ADGRL3: variants seen among roughly 807,000 people sequenced by gnomAD.
ADGRL3 encodes the protein adhesion G protein-coupled receptor L3.
In ADGRL3, 62 loss-of-function variants were observed where a neutral mutation model predicts 153.5. The ratio of observed to expected loss-of-function variants is 0.40; its 90% CI spans 0.33 to 0.50. The LOEUF is 0.50. Ranked by LOEUF, ADGRL3 falls within the 20% of genes least tolerant of loss-of-function variation. The probability of loss-of-function intolerance (pLI) is 0.47; values close to 1 mark genes in which losing one functional copy is unlikely to be tolerated. For missense variants in ADGRL3, 1,641 were observed against 1,859.4 expected (o/e 0.88, Z 2.16); for synonymous variants, 710 against 672.5 (o/e 1.06, Z -0.86).
intron 9 of ADGRL3, among the ~76,000 whole-genome samples, chr4:61,838,082 C>A (rs1219636734): frequency 6.6e-6 from 1 of 151,860 alleles, no homozygotes; most frequent in Non-Finnish European, 1.5e-5. Flanking sequence ...AAGTTTTTTT[C>A]TCATGAAACT....
At chr4:61,844,619 A>C (rs1221000968) in intron 9 of ADGRL3, among the ~76,000 whole-genome samples, 1 of 134,306 alleles carries the variant, frequency 7.4e-6, no homozygotes, top group Non-Finnish European at 1.5e-5. Flanking sequence ...ACCCCAGAAA[A>C]AGAGGGAAAA....
At chr4:61,310,949 A>C (rs2094978115) in intron 1 of ADGRL3, among the ~76,000 whole-genome samples, 1 of 151,966 alleles carries the variant, frequency 6.6e-6, no homozygotes, top group African/African-American at 2.4e-5. Flanking sequence ...TGATTAGTTA[A>C]TATCTTAGGT....
intron 1 of ADGRL3, among the ~76,000 whole-genome samples, chr4:61,256,555 A>G (rs1338209938): frequency 6.6e-6 from 1 of 152,186 alleles, no homozygotes; most frequent in Non-Finnish European, 1.5e-5. Flanking sequence ...CCTTCAAGAT[A>G]AATTTTCGGA....
At chr4:61,460,098 GT>G (rs1438439025) in intron 2 of ADGRL3, among the ~76,000 whole-genome samples, 7 of 151,856 alleles carry the variant, frequency 4.6e-5, no homozygotes, top group Non-Finnish European at 1.0e-4. Flanking sequence ...TCTTTTGTCT[GT>G]TTTTGTTTTT....
intron 1 of ADGRL3, among the ~76,000 whole-genome samples, chr4:61,271,025 C>G (rs1174880698): frequency 1.3e-5 from 2 of 151,620 alleles, no homozygotes; most frequent in African/African-American, 4.8e-5. Flanking sequence ...GAGACACCTT[C>G]CCTTAGAAAA....
intron 2 of ADGRL3, among the ~76,000 whole-genome samples, chr4:61,388,311 G>A (rs2096763740): frequency 6.6e-6 from 1 of 152,144 alleles, no homozygotes; most frequent in South Asian, 2.1e-4. Context: ...GACTACGTAA[G>A]TGTTTGTAAA....
At chr4:61,712,397 G>A (rs1163990999) in intron 6 of ADGRL3, among the ~76,000 whole-genome samples, 1 of 151,180 alleles carries the variant, frequency 6.6e-6, no homozygotes, top group Non-Finnish European at 1.5e-5. Context: ...CATGTCCTAG[G>A]CCAAAAAAAG....
At chr4:61,287,631 G>T (rs1471319459) in intron 1 of ADGRL3, among the ~76,000 whole-genome samples, 1 of 151,856 alleles carries the variant, frequency 6.6e-6, no homozygotes, top group Non-Finnish European at 1.5e-5. Flanking sequence ...TTAAAATTCT[G>T]ATAGAAAGGA....
intron 24 of ADGRL3, among the ~76,000 whole-genome samples, chr4:62,043,185 A>T (rs1729323471): frequency 6.6e-6 from 1 of 152,026 alleles, no homozygotes; most frequent in Admixed American, 6.6e-5. Context: ...GTACTTTTGC[A>T]TTTATTTTTG....
At chr4:62,003,071 G>A (rs2151121409) in intron 21 of ADGRL3, among the ~76,000 whole-genome samples, 1 of 152,204 alleles carries the variant, frequency 6.6e-6, no homozygotes, top group African/African-American at 2.4e-5. Flanking sequence ...AACATCTCAA[G>A]TTATTTTGAA....
chr4:62,033,261 T>G (rs1044883120), intron 23 of ADGRL3, among the ~76,000 whole-genome samples: 3 of 142,670 alleles, frequency 2.1e-5, no homozygotes, highest in East Asian at 2.0e-4. Flanking sequence ...ACTCATTTTG[T>G]TTTTTTTTAT....
intron 1 of ADGRL3, among the ~76,000 whole-genome samples, chr4:61,262,019 G>A (rs940541785): frequency 6.6e-6 from 1 of 152,012 alleles, no homozygotes; most frequent in Admixed American, 6.6e-5. Flanking sequence ...GAGAGACCAA[G>A]GAAGGGCTTA....
chr4:61,266,381 G>A (rs1297460156), intron 1 of ADGRL3, among the ~76,000 whole-genome samples: 1 of 151,736 alleles, frequency 6.6e-6, no homozygotes, highest in South Asian at 2.1e-4. Flanking sequence ...TATTCATAAA[G>A]CAGAACAAAC....
In ADGRL3 at chr4:61,528,361, C is replaced by G. The variant is rs546246134; in HGVS notation, c.259+10843C>G. 2.0e-5 allele frequency among the ~76,000 whole-genome samples: 3 copies of G among 152,190 alleles called. No individual in the cohort carries two copies. The East Asian group carries it at 5.8e-4, about 29-fold the overall frequency. ...CTCTGGAGGTTGGAATATGACAACA[C>G]TATCATACCTAGTATGTTTCCTTAT... On this transcript the variant is annotated intron_variant, in intron 4 of 26. Transcript: ENST00000683033.
At chr4:61,469,416 A>G (rs947583664) in intron 2 of ADGRL3, among the ~76,000 whole-genome samples, 15 of 152,100 alleles carry the variant, frequency 9.9e-5, no homozygotes, top group African/African-American at 3.4e-4. Context: ...GCCATTTCTG[A>G]CTAAGTAAAG....
chr4:62,070,947 A>T lies in ADGRL3; in HGVS notation c.*39A>T. The T allele has an allele frequency of 6.8e-7, 1 of 1,461,110 alleles. No homozygotes were observed. The highest frequency in any genetic ancestry group is 9.2e-7 in the Non-Finnish European group (1 of 1,083,586). The allele number at this position is 1,461,110 out of a possible 1,614,324, so 90.5% of individuals were successfully genotyped here. Reference sequence around the variant, plus strand: ...AATTGGAACCAACAAAACTGCTAACACCTTGTTGACTGTTCTGAGTTGATA... The same window carrying T: ...AATTGGAACCAACAAAACTGCTAACTCCTTGTTGACTGTTCTGAGTTGATA... On this transcript the variant is annotated 3_prime_UTR_variant, in exon 27 of 27. Coordinates refer to ENST00000683033, the MANE Select transcript of ADGRL3 (RefSeq NM_001387552.1).
intron 2 of ADGRL3, among the ~76,000 whole-genome samples, chr4:61,390,733 A>C (rs1383949273): frequency 6.6e-6 from 1 of 152,144 alleles, no homozygotes; most frequent in African/African-American, 2.4e-5. Context: ...TGAAATGGAA[A>C]ACCTGTAGAG....
intron 2 of ADGRL3, among the ~76,000 whole-genome samples, chr4:61,384,694 T>C (rs954538433): frequency 1.3e-5 from 2 of 152,056 alleles, no homozygotes; most frequent in Non-Finnish European, 2.9e-5. Flanking sequence ...TGAATCTTTC[T>C]CTTTTCTACT....
At chr4:61,989,313 T>C (rs1245985304) in intron 19 of ADGRL3, among the ~76,000 whole-genome samples, 5 of 152,102 alleles carry the variant, frequency 3.3e-5, no homozygotes, top group Non-Finnish European at 7.4e-5. Context: ...GCAATTATTA[T>C]ATGATGTTAT....
Sources: gnomAD v4.1 joint callset for allele counts (sites outside exome capture counted in the v4.1 genomes callset) on GRCh38, gnomAD v4.1.1 for gene constraint, MANE v1.5 for transcripts, NCBI Gene and HGNC (gene_info 2026-07-23, HGNC 2026-07-21) for gene names.